MYRIP: variants seen among roughly 807,000 people sequenced by gnomAD.
MYRIP encodes myosin VIIA and Rab interacting protein.
In MYRIP, 49 loss-of-function variants were observed where a neutral mutation model predicts 98.0. The observed-to-expected ratio is 0.50, with a 90% CI of 0.40 to 0.63. The LOEUF (loss-of-function observed/expected upper bound fraction) is 0.63. MYRIP is among the 30% of genes least tolerant of loss of function. The probability of loss-of-function intolerance (pLI) is 0.00; values close to 1 mark genes in which losing one functional copy is unlikely to be tolerated. For missense variants in MYRIP, 1,004 were observed against 1,058.2 expected, an observed-to-expected ratio of 0.95 and a Z score of 0.71; for synonymous variants, 404 against 409.5, an observed-to-expected ratio of 0.99 and a Z score of 0.16.
intron 4 of MYRIP, among the ~76,000 whole-genome samples, chr3:40,159,157 G>T (rs1383280886): frequency 3.3e-5 from 5 of 151,848 alleles, no homozygotes; most frequent in African/African-American, 1.2e-4. Context: ...CATGTTTAGT[G>T]CTTCCTTCAG....
At chr3:40,162,914 T>C (rs747517681) in intron 5 of MYRIP, 104 bp downstream of exon 5, 2 of 991,166 alleles carry the variant, frequency 2.0e-6, no homozygotes, top group African/African-American at 1.6e-5. Context: ...TTACCCCAGA[T>C]GCAACTATCT....
intron 10 of MYRIP, among the ~76,000 whole-genome samples, chr3:40,197,819 C>G (rs879303769): frequency 1.6e-4 from 25 of 152,178 alleles, no homozygotes; most frequent in Non-Finnish European, 2.4e-4. Context: ...TCCATGGGTT[C>G]CACATTAACT....
At chr3:39,937,731 A>G (rs961717006) in intron 2 of MYRIP, among the ~76,000 whole-genome samples, 13 of 152,234 alleles carry the variant, frequency 8.5e-5, no homozygotes, top group Non-Finnish European at 1.6e-4. Flanking sequence ...AATTATGGCT[A>G]CTGCTGACTT....
At chr3:39,817,827 G>GT (rs1274779035) in intron 1 of MYRIP, among the ~76,000 whole-genome samples, 4 of 151,950 alleles carry the variant, frequency 2.6e-5, no homozygotes, top group Middle Eastern at 3.4e-3. Context: ...GTATCCTCTT[G>GT]TTTTTTTCCC....
chr3:40,214,742 G>A (rs1047064617), intron 11 of MYRIP, among the ~76,000 whole-genome samples: 61 of 152,134 alleles, frequency 4.0e-4, no homozygotes, highest in African/African-American at 1.4e-3. Flanking sequence ...ATGAGCACTC[G>A]TTTCTCCCCA....
rs767966275 is a variant in MYRIP, at chr3:40,209,869, T to C, written c.1681T>C (p.Ser561Pro). 1.2e-6 allele frequency: 2 copies of C among 1,613,854 alleles called. No individual in the cohort carries two copies. The highest frequency in any genetic ancestry group is 1.3e-5 in the African/African-American group (1 of 74,882). The change falls in exon 11 of 17, where the codon TCA becomes CCA. Residue 561 changes from serine to proline, a missense_variant. This residue lies in a region of MYRIP where 880 missense variants were observed against 907.7 expected (regional missense o/e 0.97). Coordinates refer to ENST00000302541, the MANE Select transcript of MYRIP (RefSeq NM_015460.4). ...TTTCATTTAGGTGTCGGATGATTTA[T>C]CAGAGACAGACATCAGCAATGAGGC... is the stretch of plus-strand genomic sequence containing the variant. ...LDTHQVSDDL[S>P]ETDISNEARD...
rs567704188 is a variant in MYRIP, at chr3:40,208,978, A to C, written c.1666-876A>C. ...TTAGATAGCACAGTAAGAGAACTGT[A>C]GTTAACATAATTTATTGTTTATTTG... is the stretch of plus-strand genomic sequence containing the variant. On this transcript the variant is annotated intron_variant, in intron 10 of 16. Coordinates refer to ENST00000302541, the MANE Select transcript of MYRIP (RefSeq NM_015460.4). 4.9e-4 allele frequency: 75 copies of C among 152,368 alleles called. 1 individual carries two copies. Among genetic ancestry groups the C allele is most frequent in the African/African-American group, 1.8e-3 (75 of 41,592 alleles). The allele number at this position is 152,368 out of a possible 1,614,324, so 9.4% of individuals were successfully genotyped here.
chr3:39,878,054 C>T (rs1017495046), intron 1 of MYRIP, among the ~76,000 whole-genome samples: 11 of 152,184 alleles, frequency 7.2e-5, no homozygotes, highest in Admixed American at 2.6e-4. Context: ...CAATGGCAGG[C>T]GCCCCTCCCC....
intron 11 of MYRIP, chr3:40,233,078 C>T (rs1357260807): frequency 2.0e-5 from 3 of 152,150 alleles, no homozygotes; most frequent in African/African-American, 7.2e-5. Context: ...AAGGCAGAAA[C>T]AAGCGGGGGT....
chr3:40,095,506 A>G (rs1356570686), intron 3 of MYRIP, among the ~76,000 whole-genome samples: 3 of 151,938 alleles, frequency 2.0e-5, no homozygotes, highest in Non-Finnish European at 4.4e-5. Context: ...CTGCCTTCAC[A>G]CTCTGAGAAG....
chr3:39,945,482 AAAAAAAAAAG>A (rs938179520), intron 2 of MYRIP, among the ~76,000 whole-genome samples: 8 of 142,306 alleles, frequency 5.6e-5, no homozygotes, highest in East Asian at 2.2e-4. Context: ...ATCTCAAAAA[AAAAAAAAAAG>A]AAAAAAGAAA....
rs1416490911 is a variant in MYRIP, at chr3:40,156,501, TTAAAG to T, written c.469+5320_469+5324del. 3.3e-4 allele frequency among the ~76,000 whole-genome samples: 50 copies of T among 152,262 alleles called. No homozygotes were observed. The East Asian group carries it at 7.9e-3, about 24-fold the overall frequency. On this transcript the variant is annotated intron_variant, in intron 4 of 16. Transcript: ENST00000302541. Reference sequence around the variant, plus strand: ...GCTCTTTTTTGGTGCCATATGAACTTTAAAGTAGTTTTTTCCAATTCTGTGAAGAA... The same window carrying T: ...GCTCTTTTTTGGTGCCATATGAACTTTAGTTTTTTCCAATTCTGTGAAGAA...
At chr3:40,087,356 G>C (rs768550394) in intron 3 of MYRIP, among the ~76,000 whole-genome samples, 1 of 152,166 alleles carries the variant, frequency 6.6e-6, no homozygotes, top group Non-Finnish European at 1.5e-5. Context: ...AGTAAGCACT[G>C]ATACATGTTA....
At chr3:40,179,404 AT>A (rs1950837033) in intron 8 of MYRIP, among the ~76,000 whole-genome samples, 1 of 152,064 alleles carries the variant, frequency 6.6e-6, no homozygotes, top group Non-Finnish European at 1.5e-5. Flanking sequence ...GGGACTTTTC[AT>A]TTGTTAGTCT....
chr3:39,812,134 C>T (rs1940716738), intron 1 of MYRIP, among the ~76,000 whole-genome samples: 1 of 152,162 alleles, frequency 6.6e-6, no homozygotes, highest in African/African-American at 2.4e-5. Flanking sequence ...CAACTGAGCA[C>T]ACCTGTGTAA....
rs1301459434 is a variant in MYRIP, at chr3:39,956,795, G to A, written c.110+55869G>A. 2.0e-5 allele frequency among the ~76,000 whole-genome samples: 3 copies of A among 151,744 alleles called. No individual in the cohort carries two copies. In the South Asian group the frequency reaches 6.2e-4, roughly 31 times the overall value. On this transcript the variant is annotated intron_variant, in intron 2 of 16. Coordinates refer to ENST00000302541, the MANE Select transcript of MYRIP (RefSeq NM_015460.4). ...ATAGACCGCTAGCAAGACTAAGAAA[G>A]AAGAAAAGAGAGAAGAATCAAATAG...
At chr3:39,959,006 T>C (rs1348564860) in intron 2 of MYRIP, among the ~76,000 whole-genome samples, 10 of 152,046 alleles carry the variant, frequency 6.6e-5, no homozygotes, top group Non-Finnish European at 1.3e-4. Context: ...AGAATGGCAA[T>C]CATTAAAAAG....
intron 4 of MYRIP, among the ~76,000 whole-genome samples, chr3:40,152,338 A>T (rs974341467): frequency 6.6e-6 from 1 of 152,198 alleles, no homozygotes; most frequent in Non-Finnish European, 1.5e-5. Context: ...ATCCTCGGGT[A>T]TGCTGAATAT....
intron 1 of MYRIP, among the ~76,000 whole-genome samples, chr3:39,883,648 A>G (rs1424027743): frequency 6.6e-6 from 1 of 152,082 alleles, no homozygotes. Context: ...TTGAAATTAT[A>G]TAAAAAAAGA....
Sources: gnomAD v4.1 joint callset for allele counts (sites outside exome capture counted in the v4.1 genomes callset) on GRCh38, gnomAD v4.1.1 for gene constraint, gnomAD v4.1.1 regional missense constraint, MANE v1.5 for transcripts, NCBI Gene and HGNC (gene_info 2026-07-23, HGNC 2026-07-21) for gene names.